Variants in ASB2 observed in about 807,000 individuals in gnomAD.
ASB2 encodes the protein ankyrin repeat and SOCS box protein 2.
Under a neutral mutation model 62.4 loss-of-function variants are expected in ASB2, and 58 were observed. The observed-to-expected ratio is 0.93, with a 90% CI of 0.75 to 1.16. ASB2 has a LOEUF of 1.16. Among genes scored for constraint, ASB2 ranks in the 50% most tolerant of loss-of-function variants. The pLI, the probability that ASB2 is intolerant of heterozygous loss-of-function variation, is 0.00. For synonymous variants in ASB2, 386 were observed against 385.3 expected (o/e 1.00, Z -0.02); for missense variants, 928 against 887.9 (o/e 1.05, Z -0.57).
At position 93,949,923 on chromosome 14, in the gene ASB2, G is replaced by A. The variant is rs578033931; in HGVS notation, c.880+1076C>T. On this transcript the variant is annotated intron_variant, in intron 6 of 9. Coordinates refer to ENST00000555019, the MANE Select transcript of ASB2 (RefSeq NM_001202429.2). ...CACCTATGTTCCCCACTGCTCAGGC[G>A]CGTGCTGAGTGCATGGATGCTTACC... 2.4e-4 allele frequency among the ~76,000 whole-genome samples: 36 copies of A among 152,252 alleles called. No individual in the cohort carries two copies. In the South Asian group the frequency reaches 3.5e-3, roughly 15 times the overall value.
chr14:93,938,482 C>T (rs1888363225), intron 8 of ASB2, among the ~76,000 whole-genome samples: 1 of 152,008 alleles, frequency 6.6e-6, no homozygotes, highest in African/African-American at 2.4e-5. Flanking sequence ...CCTCGTGATC[C>T]GCCGGCCTCG....
intron 2 of ASB2, among the ~76,000 whole-genome samples, chr14:93,960,456 C>T (rs1363090335): frequency 6.6e-6 from 1 of 152,210 alleles, no homozygotes; most frequent in Non-Finnish European, 1.5e-5. Flanking sequence ...TCAGCCAGTT[C>T]CTGCTTCATG....
At position 93,939,673 on chromosome 14, in the gene ASB2, C is replaced by T. The variant is rs1888441285; in HGVS notation, c.1053-1G>A. The T allele has an allele frequency of 1.4e-6, 2 of 1,452,168 alleles. No homozygotes were observed. The highest frequency in any genetic ancestry group is 1.8e-6 in the Non-Finnish European group (2 of 1,109,608). The allele number at this position is 1,452,168 out of a possible 1,614,324, so 90.0% of individuals were successfully genotyped here. On this transcript the variant is annotated splice_acceptor_variant, in intron 7 of 9. Transcript: ENST00000555019. LOFTEE classifies it high-confidence loss of function. ...CACCGGCAGCAGCATCTGCACGATC[C>T]TGCCGGGTCGAGGGGCGGGCGCGGG...
chr14:93,963,825 G>A (rs1022036381), intron 2 of ASB2, among the ~76,000 whole-genome samples: 2 of 152,200 alleles, frequency 1.3e-5, no homozygotes, highest in African/African-American at 4.8e-5. Context: ...GCAGTTGTGG[G>A]TGGTGTCATA....
chr14:93,953,577 G>A lies in ASB2; in HGVS notation c.479-70C>T, dbSNP rs144091867. 117 of 1,312,146 alleles carry A rather than the reference G, an allele frequency of 8.9e-5. No individual in the cohort carries two copies. In the East Asian group the frequency reaches 2.6e-3, roughly 29 times the overall value. The allele number at this position is 1,312,146 out of a possible 1,614,324, so 81.3% of individuals were successfully genotyped here. ...AGCCCCGCAACACAGAGGCTTTCCC[G>A]ATTGCCTCCCAATTTCAAGAACAAT... On this transcript the variant is annotated intron_variant, in intron 4 of 9. Coordinates refer to ENST00000555019, the MANE Select transcript of ASB2 (RefSeq NM_001202429.2).
intron 7 of ASB2, chr14:93,941,670 G>T (rs975506653): frequency 2.2e-6 from 1 of 456,098 alleles, no homozygotes; most frequent in Non-Finnish European, 4.4e-6. Context: ...CAGCTGTAAC[G>T]TGCCCAAGAA....
At chr14:93,954,505 C>T (rs139341189) in intron 3 of ASB2, 22 bp from the exon 4 acceptor site, 8 of 1,613,420 alleles carry the variant, frequency 5.0e-6, no homozygotes, top group East Asian at 2.2e-5. Context: ...AGGAGTGGGT[C>T]AGTCCTCAAG....
Position 93,964,488 on chromosome 14 carries a change from C to T in ASB2, c.52G>A (p.Glu18Lys), listed in dbSNP as rs1422452744. The change falls in exon 2 of 10, where the codon GAG (glutamate) becomes AAG (lysine). Residue 18 changes from glutamate to lysine, a missense_variant. Coordinates refer to ENST00000555019, the MANE Select transcript of ASB2 (RefSeq NM_001202429.2). Reference protein sequence around the residue: ...RGSQCTIGQEEYSLYSSLSED... With the variant: ...RGSQCTIGQEKYSLYSSLSED... ...CTCAGGCTGCTGTACAGGCTGTACT[C>T]CTCCTGCCCAATGGTACACTGGCTG... 1 of 1,536,104 alleles carries T rather than the reference C, an allele frequency of 6.5e-7. No homozygotes were observed. Among genetic ancestry groups the T allele is most frequent in the Non-Finnish European group, 8.7e-7 (1 of 1,146,896 alleles).
intron 7 of ASB2, among the ~76,000 whole-genome samples, chr14:93,945,746 C>T (rs1888700637): frequency 6.6e-6 from 1 of 152,076 alleles, no homozygotes; most frequent in Non-Finnish European, 1.5e-5. Context: ...AGGCAACCTG[C>T]ACAGAAGGGG....
intron 5 of ASB2, among the ~76,000 whole-genome samples, chr14:93,952,039 C>T (rs746864318): frequency 6.6e-5 from 10 of 152,244 alleles, no homozygotes; most frequent in Admixed American, 5.2e-4. Flanking sequence ...TCTCTGTGTC[C>T]GTGTCAGTGG....
chr14:93,951,050 C>T lies in ASB2; in HGVS notation c.829G>A (p.Val277Met), dbSNP rs751528643. 15 of 1,614,068 alleles carry T rather than the reference C, an allele frequency of 9.3e-6. No homozygotes were observed. The highest frequency in any genetic ancestry group is 3.3e-5 in the South Asian group (3 of 91,088). The change falls in exon 6 of 10, where the codon GTG becomes ATG. Residue 277 changes from valine to methionine, a missense_variant. Physicochemically the swap from Val to Met is conservative, Grantham distance 21. Transcript: ENST00000555019. ...TCCAACTGTCCACTCTGGGCGGCCACGAACAAGGGGGTGATGCCGTAGGCG... is the reference window on the plus strand; with the variant it reads ...TCCAACTGTCCACTCTGGGCGGCCATGAACAAGGGGGTGATGCCGTAGGCG... ...KNAYGITPLFVAAQSGQLEAL... is the reference protein window; with the variant it reads ...KNAYGITPLFMAAQSGQLEAL...
chr14:93,935,325 G>A (rs982450346), intron 9 of ASB2, among the ~76,000 whole-genome samples: 3 of 152,248 alleles, frequency 2.0e-5, no homozygotes, highest in Non-Finnish European at 4.4e-5. Context: ...CAGGAGCCAC[G>A]TAGTGGAGTT....
chr14:93,950,160 C>T (rs1172889275), intron 6 of ASB2, among the ~76,000 whole-genome samples: 1 of 152,216 alleles, frequency 6.6e-6, no homozygotes, highest in African/African-American at 2.4e-5. Flanking sequence ...TCCATTGCCC[C>T]GATCTGTGTT....
rs142812400 is a variant in ASB2 at position 93,951,044 on chromosome 14, C to T, written c.835G>A (p.Ala279Thr). The T allele has an allele frequency of 1.1e-4, 181 of 1,614,112 alleles. 1 individual carries two copies. In the Middle Eastern group the frequency reaches 1.6e-3, roughly 15 times the overall value. ...AYGITPLFVAAQSGQLEALRF... is the reference protein window; with the variant it reads ...AYGITPLFVATQSGQLEALRF... ...AAGGCCTCCAACTGTCCACTCTGGGCGGCCACGAACAAGGGGGTGATGCCG... is the reference window on the plus strand; with the variant it reads ...AAGGCCTCCAACTGTCCACTCTGGGTGGCCACGAACAAGGGGGTGATGCCG... Residue 279 changes from alanine (A) to threonine (T), a missense_variant, in exon 6 of 10, where the codon GCC becomes ACC. Coordinates refer to ENST00000555019, the MANE Select transcript of ASB2 (RefSeq NM_001202429.2).
At chr14:93,969,130 G>A (rs1889679569) in intron 1 of ASB2, among the ~76,000 whole-genome samples, 1 of 152,234 alleles carries the variant, frequency 6.6e-6, no homozygotes, top group Non-Finnish European at 1.5e-5. Context: ...AGAGTCAAAA[G>A]GGTTCATGTG....
chr14:93,957,814 A>T (rs1303459604), intron 2 of ASB2, among the ~76,000 whole-genome samples: 1 of 152,168 alleles, frequency 6.6e-6, no homozygotes, highest in Non-Finnish European at 1.5e-5. Context: ...GGTTGTCGTG[A>T]GAACAGGGTA....
intron 1 of ASB2, among the ~76,000 whole-genome samples, chr14:93,974,837 A>G (rs962148959): frequency 6.6e-6 from 1 of 152,248 alleles, no homozygotes; most frequent in Non-Finnish European, 1.5e-5. Flanking sequence ...CCAGTGCTCA[A>G]CAAAGGCTTG....
chr14:93,961,634 T>C (rs11629407), intron 2 of ASB2, among the ~76,000 whole-genome samples: 3,422 of 152,298 alleles, frequency 0.022, 55 homozygotes, highest in Admixed American at 0.039. Context: ...GAGAAGGAGC[T>C]GCTATGTGGA....
intron 6 of ASB2, among the ~76,000 whole-genome samples, chr14:93,947,802 C>T (rs1287983427): frequency 4.0e-5 from 6 of 151,756 alleles, no homozygotes; most frequent in East Asian, 2.0e-4. Flanking sequence ...GAGACCAGCC[C>T]GGCCAACATG....
Sources: gnomAD v4.1 joint callset for allele counts (sites outside exome capture counted in the v4.1 genomes callset) on GRCh38, gnomAD v4.1.1 for gene constraint, MANE v1.5 for transcripts, NCBI Gene and HGNC (gene_info 2026-07-23, HGNC 2026-07-21) for gene names.